The following RAPH1 variants were observed in gnomAD, a reference collection of about 807,000 sequenced individuals.
RAPH1 encodes Ras association (RalGDS/AF-6) and pleckstrin homology domains 1.
RAPH1 carries 18 observed loss-of-function variants against 88.1 expected under a neutral mutation model. The ratio of observed to expected loss-of-function variants is 0.20; its 90% CI spans 0.14 to 0.30. The LOEUF (loss-of-function observed/expected upper bound fraction) is 0.30. Ranked by LOEUF, RAPH1 falls within the 10% of genes least tolerant of loss-of-function variation. RAPH1 has a pLI of 1.00. For synonymous variants in RAPH1, 587 were observed against 559.0 expected (o/e 1.05, Z -0.71); for missense variants, 1,448 against 1,543.2 (o/e 0.94, Z 1.03).
At chr2:203,461,993 C>A in intron 4 of RAPH1, 68 bp from the exon 5 acceptor site, 1 of 1,275,608 alleles carries the variant, frequency 7.8e-7, no homozygotes, top group Non-Finnish European at 1.1e-6. Flanking sequence ...TCTTTTTTAT[C>A]CTTAAGGATG....
At chr2:203,482,334 C>T (rs571398727) in intron 4 of RAPH1, among the ~76,000 whole-genome samples, 151 of 152,160 alleles carry the variant, frequency 9.9e-4, no homozygotes, top group African/African-American at 2.8e-3. Context: ...TACAGGTGCC[C>T]GCCACCATGC....
chr2:203,479,481 G>A (rs1002372725), intron 4 of RAPH1, among the ~76,000 whole-genome samples: 7 of 151,912 alleles, frequency 4.6e-5, no homozygotes, highest in African/African-American at 1.7e-4. Flanking sequence ...ACTCGTGCCT[G>A]TAGTCCCACC....
chr2:203,466,926 G>A (rs1358849156), intron 4 of RAPH1, among the ~76,000 whole-genome samples: 1 of 152,218 alleles, frequency 6.6e-6, no homozygotes, highest in Admixed American at 6.5e-5. Context: ...AAGTGCTACT[G>A]TTGCTAAGTT....
rs2098496167 is a variant in RAPH1 at position 203,434,089 on chromosome 2, C to G, written c.*5348G>C. On this transcript the variant is annotated 3_prime_UTR_variant, in exon 14 of 14. Transcript: ENST00000319170. The stretch of plus-strand genomic sequence containing the variant: ...ATATATATATATATATAGCTTTGCA[C>G]AATCAGGGAGCAAGGCACATAATGA... 6.7e-6 allele frequency: 1 copy of G among 148,578 alleles called. No homozygotes were observed. Among genetic ancestry groups the G allele is most frequent in the Non-Finnish European group, 1.5e-5 (1 of 67,612 alleles). The allele number at this position is 148,578 out of a possible 1,614,324, so 9.2% of individuals were successfully genotyped here.
At chr2:203,473,572 G>A (rs1230060813) in intron 4 of RAPH1, among the ~76,000 whole-genome samples, 1 of 152,000 alleles carries the variant, frequency 6.6e-6, no homozygotes, top group Non-Finnish European at 1.5e-5. Flanking sequence ...TGATTACAGG[G>A]GAAAAAAATC....
At chr2:203,506,058 C>G (rs1247977716) in intron 1 of RAPH1, among the ~76,000 whole-genome samples, 1 of 152,202 alleles carries the variant, frequency 6.6e-6, no homozygotes, top group Non-Finnish European at 1.5e-5. Flanking sequence ...TTTTTCTTCA[C>G]TTTTGTCCTA....
intron 4 of RAPH1, among the ~76,000 whole-genome samples, chr2:203,468,413 C>G (rs920173407): frequency 5.3e-5 from 8 of 152,124 alleles, no homozygotes; most frequent in African/African-American, 1.7e-4. Flanking sequence ...ACATGGAACA[C>G]TCCCTTAAGC....
rs766835995 is a variant in RAPH1 at position 203,489,993 on chromosome 2, C to G, written c.323G>C (p.Ser108Thr). 9 of 1,614,220 alleles carry G rather than the reference C, an allele frequency of 5.6e-6. No individual in the cohort carries two copies. The Admixed American group carries it at 8.3e-5, about 15-fold the overall frequency. ...TTTCGTTTCTGTGATTTGACGCTTA[C>G]TGTTTCCTGAACCAATGCTGCTGAG... is the stretch of plus-strand genomic sequence containing the variant. ...QELSSIGSGNSKRQITETKAT... is the reference protein window; with the variant it reads ...QELSSIGSGNTKRQITETKAT... The change falls in exon 4 of 14, where the codon AGT (serine) becomes ACT (threonine). Residue 108 changes from serine to threonine, a missense_variant. Coordinates refer to ENST00000319170, the MANE Select transcript of RAPH1 (RefSeq NM_213589.3).
chr2:203,450,890 A>C (rs534341441), intron 10 of RAPH1, among the ~76,000 whole-genome samples: 6 of 151,432 alleles, frequency 4.0e-5, no homozygotes, highest in African/African-American at 1.5e-4. Context: ...TTCTGCACAA[A>C]AAGAGGGTTT....
At chr2:203,493,403 T>C (rs2105843576) in intron 2 of RAPH1, among the ~76,000 whole-genome samples, 2 of 152,264 alleles carry the variant, frequency 1.3e-5, no homozygotes, top group Non-Finnish European at 2.9e-5. Context: ...TAAAACCACA[T>C]GGTCAAGAAC....
chr2:203,498,884 T>G (rs981082306), intron 1 of RAPH1, among the ~76,000 whole-genome samples: 1 of 152,168 alleles, frequency 6.6e-6, no homozygotes, highest in Non-Finnish European at 1.5e-5. Context: ...TATACGGTGG[T>G]CCCATAAGTA....
rs1168065313 is a variant in RAPH1, at chr2:203,440,032, A to G, written c.3158T>C (p.Leu1053Pro). 1 of 1,613,742 alleles carries G rather than the reference A, an allele frequency of 6.2e-7. No individual in the cohort carries two copies. Among genetic ancestry groups the G allele is most frequent in the East Asian group, 2.2e-5 (1 of 44,858 alleles). Reference sequence around the variant, plus strand: ...CACGGAGTCCTTTCCACGCCCACTCAGAACAGGGGCTTTTGCTGACACACA... The same window carrying G: ...CACGGAGTCCTTTCCACGCCCACTCGGAACAGGGGCTTTTGCTGACACACA... Reference protein sequence around the residue: ...QGCVSAKAPVLSGRGKDSVVE... With the variant: ...QGCVSAKAPVPSGRGKDSVVE... Residue 1053 changes from leucine to proline, a missense_variant, in exon 14 of 14, where the codon CTG (leucine) becomes CCG (proline). By Grantham distance (98) the Leu-to-Pro change is moderately conservative. Transcript: ENST00000319170.
intron 1 of RAPH1, among the ~76,000 whole-genome samples, chr2:203,521,803 G>A (rs148364497): frequency 4.9e-4 from 74 of 152,170 alleles, no homozygotes; most frequent in African/African-American, 9.4e-4. Context: ...ACTAAATTGT[G>A]CATGCAACAA....
chr2:203,489,754 T>C lies in RAPH1; in HGVS notation c.562A>G (p.Arg188Gly). Residue 188 changes from arginine (R) to glycine (G), a missense_variant, in exon 4 of 14, where the codon AGA becomes GGA. By Grantham distance (125) the Arg-to-Gly change is moderately radical (BLOSUM62 -2). Transcript: ENST00000319170. The part of the protein sequence containing the change: ...DTKPLVTNQH[R>G]RTASAGTVSD... ...ACTGTGCCTGCTGACGCGGTTCTTCTGTGCTGATTAGTTACTAAGGGTTTA... is the reference window on the plus strand; with the variant it reads ...ACTGTGCCTGCTGACGCGGTTCTTCCGTGCTGATTAGTTACTAAGGGTTTA... 1 of 1,614,230 alleles carries C rather than the reference T, an allele frequency of 6.2e-7. No individual in the cohort carries two copies. The highest frequency in any genetic ancestry group is 2.2e-5 in the East Asian group (1 of 44,886).
At chr2:203,506,786 ATATATATCTATATATATATCTATATC>A (rs1581381064) in intron 1 of RAPH1, among the ~76,000 whole-genome samples, 6 of 123,498 alleles carry the variant, frequency 4.9e-5, no homozygotes, top group East Asian at 2.1e-4. Context: ...ATATCTAGAT[ATATATATCTATATATATATCTATATC>A]TATATATCTA....
At chr2:203,501,417 A>G (rs1373116199) in intron 1 of RAPH1, among the ~76,000 whole-genome samples, 1 of 152,206 alleles carries the variant, frequency 6.6e-6, no homozygotes, top group Non-Finnish European at 1.5e-5. Context: ...GCTGTTATTT[A>G]TAAATTGCCC....
At chr2:203,470,322 GA>G in intron 4 of RAPH1, 1 of 1,592,166 alleles carries the variant, frequency 6.3e-7, no homozygotes, top group Non-Finnish European at 8.5e-7. Flanking sequence ...TGCTTGTTCA[GA>G]AAAGAGAAAA....
intron 3 of RAPH1, 91 bp downstream of exon 3, chr2:203,491,123 C>T (rs1262087451): frequency 2.9e-6 from 2 of 678,088 alleles, no homozygotes; most frequent in South Asian, 2.4e-5. Context: ...GCTTTTATAT[C>T]GAGTTTTTAT....
chr2:203,517,611 G>C (rs1689675794), intron 1 of RAPH1, among the ~76,000 whole-genome samples: 1 of 151,958 alleles, frequency 6.6e-6, no homozygotes, highest in African/African-American at 2.4e-5. Context: ...ATCACATTCT[G>C]GACCATAAAA....
Sources: allele counts gnomAD v4.1 joint callset (sites outside exome capture counted in the v4.1 genomes callset), GRCh38; gene constraint gnomAD v4.1.1; transcripts MANE v1.5; gene names NCBI Gene and HGNC (gene_info 2026-07-23, HGNC 2026-07-21).